The following FARP1 variants were observed in gnomAD, a reference collection of about 807,000 sequenced individuals.
FARP1 encodes FERM, ARH/RhoGEF and pleckstrin domain protein 1.
FARP1 carries 52 observed loss-of-function variants against 128.8 expected under a neutral mutation model. That is an observed-to-expected ratio of 0.40 (90% CI 0.32 to 0.51). The LOEUF is 0.51. FARP1 is among the 20% of genes least tolerant of loss of function. The pLI is 0.45. For missense variants in FARP1, 1,333 were observed against 1,367.9 expected (o/e 0.97, Z 0.40); for synonymous variants, 580 against 551.8 (o/e 1.05, Z -0.72).
At chr13:98,151,629 C>T (rs796497) in intron 1 of FARP1, among the ~76,000 whole-genome samples, 76,418 of 143,772 alleles carry the variant, frequency 0.53, 23,390 homozygotes, top group East Asian at 0.72. Flanking sequence ...GTTGTTGAAG[C>T]GAGACAAACC....
At chr13:98,211,445 TTGTC>T (rs138937054) in intron 1 of FARP1, among the ~76,000 whole-genome samples, 23,801 of 152,180 alleles carry the variant, frequency 0.16, 2,438 homozygotes, top group Middle Eastern at 0.29. Context: ...TGCCTCTACT[TTGTC>T]TGTGGAAAAA....
At position 98,208,941 on chromosome 13, in the gene FARP1, A is replaced by G. The variant is rs1175210452; in HGVS notation, c.-23-4279A>G. 2.0e-5 allele frequency among the ~76,000 whole-genome samples: 3 copies of G among 152,342 alleles called. No homozygotes were observed. The East Asian group carries it at 5.8e-4, about 29-fold the overall frequency. ...AGAATGAGTTAGGGAAGAAAACTCT[A>G]CAAAATGAGATTTGGAAACCGGATG... On this transcript the variant is annotated intron_variant, in intron 1 of 26. Transcript: ENST00000319562.
chr13:98,386,840 A>C (rs1314790248), intron 8 of FARP1, among the ~76,000 whole-genome samples: 1 of 152,180 alleles, frequency 6.6e-6, no homozygotes, highest in Non-Finnish European at 1.5e-5. Flanking sequence ...CTATTCATGC[A>C]CCAGAAGTTT....
chr13:98,320,330 C>T (rs1173630143), intron 2 of FARP1, among the ~76,000 whole-genome samples: 2 of 152,202 alleles, frequency 1.3e-5, no homozygotes, highest in Non-Finnish European at 2.9e-5. Flanking sequence ...TCTGGATGTG[C>T]GTGTCTTGCT....
chr13:98,390,079 C>G lies in FARP1; in HGVS notation c.978C>G (p.Pro326=). Residue 326 remains proline (P), a synonymous_variant, in exon 10 of 27, where the codon CCC becomes CCG. Coordinates refer to ENST00000319562, the MANE Select transcript of FARP1 (RefSeq NM_005766.4). The part of the protein sequence containing the change: ...FRLFEEPKPK[P]KPVLFSRGSS... ...TTTTTGAAGAGCCCAAACCAAAGCC[C>G]AAGCCCGTCCTCTTTAGCCGGGGGT... The G allele has an allele frequency of 6.2e-7, 1 of 1,614,148 alleles. No individual in the cohort carries two copies. Among genetic ancestry groups the G allele is most frequent in the Non-Finnish European group, 8.5e-7 (1 of 1,180,034 alleles).
chr13:98,318,950 G>GTTTTTTTTTTTTTTTTTTTTTTTT (rs56166470), intron 2 of FARP1, among the ~76,000 whole-genome samples: 1 of 120,684 alleles, frequency 8.3e-6, no homozygotes, highest in Non-Finnish European at 1.6e-5. Flanking sequence ...GTTTTTTCTT[G>GTTTTTTTTTTTTTTTTTTTTTTTT]TTTTTTTTTT....
At chr13:98,243,130 G>A (rs1294445118) in intron 2 of FARP1, among the ~76,000 whole-genome samples, 1 of 152,182 alleles carries the variant, frequency 6.6e-6, no homozygotes, top group Non-Finnish European at 1.5e-5. Context: ...GTTACTTACT[G>A]TGATACTGTA....
chr13:98,389,215 C>G (rs956658010), intron 9 of FARP1, among the ~76,000 whole-genome samples: 3 of 152,300 alleles, frequency 2.0e-5, no homozygotes, highest in African/African-American at 4.8e-5. Flanking sequence ...TGGAAAAATT[C>G]ACTGGAGTTC....
intron 1 of FARP1, among the ~76,000 whole-genome samples, chr13:98,145,696 C>T (rs1438396705): frequency 6.6e-6 from 1 of 152,020 alleles, no homozygotes; most frequent in Non-Finnish European, 1.5e-5. Context: ...AACCCTGTCT[C>T]TACTAAAAAT....
intron 1 of FARP1, among the ~76,000 whole-genome samples, chr13:98,180,887 A>G (rs904189652): frequency 1.3e-5 from 2 of 152,132 alleles, no homozygotes; most frequent in African/African-American, 4.8e-5. Context: ...GTGCATTTTA[A>G]TGCCTGCATA....
intron 3 of FARP1, among the ~76,000 whole-genome samples, chr13:98,355,323 G>A (rs1284419254): frequency 1.3e-5 from 2 of 152,102 alleles, no homozygotes; most frequent in Non-Finnish European, 2.9e-5. Context: ...TCCAGCCTGG[G>A]TGACAGAATA....
At chr13:98,248,047 G>A (rs140705481) in intron 2 of FARP1, among the ~76,000 whole-genome samples, 3 of 152,040 alleles carry the variant, frequency 2.0e-5, no homozygotes, top group Admixed American at 6.6e-5. Flanking sequence ...AAAAACCTTC[G>A]CAGCCTCTCT....
In FARP1 at chr13:98,395,388, AGC is replaced by A; in HGVS notation, c.1327_1328del (p.Ala443ArgfsTer13). ...SPAGNKQADG[A>X]ASAPTEEEEE... ...CCGCGGGTAACAAGCAGGCGGACGGAGCCGCCTCGGCGCCCACGGAGGAAGAG... is the reference window on the plus strand; with the variant it reads ...CCGCGGGTAACAAGCAGGCGGACGGACGCCTCGGCGCCCACGGAGGAAGAG... On this transcript the variant is annotated frameshift_variant, in exon 13 of 27. Coordinates refer to ENST00000319562, the MANE Select transcript of FARP1 (RefSeq NM_005766.4). LOFTEE classifies it high-confidence loss of function. 6.2e-7 allele frequency: 1 copy of A among 1,611,736 alleles called. No homozygotes were observed. The highest frequency in any genetic ancestry group is 8.5e-7 in the Non-Finnish European group (1 of 1,179,078).
Position 98,452,128 on chromosome 13 carries a change from T to TA in FARP1, c.*3811_*3812insA, listed in dbSNP as rs1358892499. ...CATACACAGCAGGTGCCCTGTCCTC[T>TA]GAAGAGTCACATTTCAAGGAGTATG... On this transcript the variant is annotated 3_prime_UTR_variant, in exon 27 of 27. Transcript: ENST00000319562. 6.6e-6 allele frequency: 1 copy of TA among 152,170 alleles called. No individual in the cohort carries two copies. Among genetic ancestry groups the TA allele is most frequent in the Non-Finnish European group, 1.5e-5 (1 of 68,046 alleles). The allele number at this position is 152,170 out of a possible 1,614,324, so 9.4% of individuals were successfully genotyped here. A position where few individuals can be genotyped will look rare whatever the true frequency, so the allele number is the denominator to read the frequency against.
chr13:98,354,860 C>T (rs1362930212), intron 3 of FARP1, among the ~76,000 whole-genome samples: 2 of 152,048 alleles, frequency 1.3e-5, no homozygotes, highest in East Asian at 1.9e-4. Context: ...AGTTCTTAAG[C>T]TTTAGGTAAT....
intron 2 of FARP1, among the ~76,000 whole-genome samples, chr13:98,325,765 A>C (rs1235770323): frequency 6.6e-6 from 1 of 152,244 alleles, no homozygotes; most frequent in Non-Finnish European, 1.5e-5. Flanking sequence ...AGTTGTCATA[A>C]GAAAGTCTTT....
chr13:98,208,051 T>A (rs1880401504), intron 1 of FARP1, among the ~76,000 whole-genome samples: 1 of 151,836 alleles, frequency 6.6e-6, no homozygotes, highest in Non-Finnish European at 1.5e-5. Context: ...TTAACCAGGC[T>A]GGTCTCATCT....
At chr13:98,204,582 CTTTTGTT>C (rs370849244) in intron 1 of FARP1, among the ~76,000 whole-genome samples, 67,640 of 151,818 alleles carry the variant, frequency 0.45, 17,646 homozygotes, top group Non-Finnish European at 0.58. Context: ...CACCATTTAC[CTTTTGTT>C]TTGCTGAAGT....
In FARP1 at chr13:98,445,702, CT is replaced by C. The variant is rs544379437; in HGVS notation, c.2797-395del. ...CCTCGGTGTCACAGGGCACACCCCT[CT>C]CCCCTCAAGGTGGCTCTTCTCCTCA... On this transcript the variant is annotated intron_variant, in intron 24 of 26. Coordinates refer to ENST00000319562, the MANE Select transcript of FARP1 (RefSeq NM_005766.4). The C allele has an allele frequency of 5.4e-4, 85 of 157,588 alleles. 2 individuals are homozygous for C. The East Asian group carries it at 0.016, about 29-fold the overall frequency. 9.8% of individuals were successfully genotyped at this position (157,588 alleles called of 1,614,324 possible). A position where few individuals can be genotyped will look rare whatever the true frequency, so the allele number is the denominator to read the frequency against.
Sources: allele counts gnomAD v4.1 joint callset (sites outside exome capture counted in the v4.1 genomes callset), GRCh38; gene constraint gnomAD v4.1.1; transcripts MANE v1.5; gene names NCBI Gene and HGNC (gene_info 2026-07-23, HGNC 2026-07-21).